The following MAGI2 variants were observed in gnomAD, a reference collection of about 807,000 sequenced individuals.
MAGI2 encodes membrane associated guanylate kinase, WW and PDZ domain containing 2, also known as membrane-associated guanylate kinase, WW and PDZ domain-containing protein 2.
MAGI2 carries 35 observed loss-of-function variants against 133.3 expected under a neutral mutation model. The observed-to-expected ratio is 0.26, with a 90% CI of 0.20 to 0.35. The LOEUF (loss-of-function observed/expected upper bound fraction) is 0.35, where lower values mean the gene tolerates loss of function less well. Among genes scored for constraint, MAGI2 ranks in the 10% least tolerant of loss-of-function variants. The pLI is 1.00. For missense variants in MAGI2, 1,636 were observed against 1,863.4 expected (o/e 0.88, Z 2.25); for synonymous variants, 729 against 710.6 (o/e 1.03, Z -0.41).
At chr7:79,104,580 T>G (rs1328145416) in intron 1 of MAGI2, among the ~76,000 whole-genome samples, 1 of 151,930 alleles carries the variant, frequency 6.6e-6, no homozygotes, top group East Asian at 1.9e-4. Flanking sequence ...GGCAGGAGAA[T>G]CGCTTGAACC....
At chr7:79,045,627 CT>C (rs1812105781) in intron 1 of MAGI2, among the ~76,000 whole-genome samples, 1 of 152,088 alleles carries the variant, frequency 6.6e-6, no homozygotes, top group Non-Finnish European at 1.5e-5. Flanking sequence ...CCCATCTCTA[CT>C]AAAAATACAA....
At chr7:78,819,265 T>G (rs1426241912) in intron 2 of MAGI2, among the ~76,000 whole-genome samples, 1 of 152,138 alleles carries the variant, frequency 6.6e-6, no homozygotes, top group African/African-American at 2.4e-5. Flanking sequence ...TCTTACAGGT[T>G]GAAGGATCAG....
intron 3 of MAGI2, among the ~76,000 whole-genome samples, chr7:78,562,910 T>C (rs1411145520): frequency 6.6e-6 from 1 of 152,080 alleles, no homozygotes; most frequent in Non-Finnish European, 1.5e-5. Context: ...AGTTCTAAAG[T>C]GAAGCTTGAA....
At chr7:79,006,085 CTG>C (rs1479167277) in intron 2 of MAGI2, among the ~76,000 whole-genome samples, 1 of 152,138 alleles carries the variant, frequency 6.6e-6, no homozygotes, top group African/African-American at 2.4e-5. Flanking sequence ...CTTGACATCT[CTG>C]TGTGTTTTCA....
intron 2 of MAGI2, among the ~76,000 whole-genome samples, chr7:78,631,269 C>T (rs1356549211): frequency 1.3e-5 from 2 of 152,056 alleles, no homozygotes; most frequent in Non-Finnish European, 2.9e-5. Flanking sequence ...ACCTTTGAGT[C>T]CTCCCTCACT....
chr7:79,327,397 A>T (rs1839775096), intron 1 of MAGI2, among the ~76,000 whole-genome samples: 1 of 152,158 alleles, frequency 6.6e-6, no homozygotes, highest in African/African-American at 2.4e-5. Flanking sequence ...CCCTGAGACG[A>T]GATAGCGAGA....
At chr7:78,847,412 T>C (rs1175073290) in intron 2 of MAGI2, among the ~76,000 whole-genome samples, 1 of 151,958 alleles carries the variant, frequency 6.6e-6, no homozygotes, top group Non-Finnish European at 1.5e-5. Flanking sequence ...GACTATTAGA[T>C]AATAAAGGGT....
intron 1 of MAGI2, among the ~76,000 whole-genome samples, chr7:79,433,537 A>C (rs1025394643): frequency 6.6e-6 from 1 of 151,560 alleles, no homozygotes; most frequent in East Asian, 1.9e-4. Context: ...TGGGCGACAG[A>C]GCAAGACTCT....
At chr7:79,055,004 G>A (rs1584802670) in intron 1 of MAGI2, among the ~76,000 whole-genome samples, 1 of 152,256 alleles carries the variant, frequency 6.6e-6, no homozygotes, top group African/African-American at 2.4e-5. Context: ...TATTGGCCAG[G>A]CTGATCTCGA....
chr7:78,770,497 G>A (rs568310475), intron 2 of MAGI2, among the ~76,000 whole-genome samples: 8 of 152,306 alleles, frequency 5.3e-5, no homozygotes, highest in African/African-American at 1.9e-4. Flanking sequence ...GATATCTGCT[G>A]TTTACATTTC....
chr7:78,249,025 T>TA (rs910556116), intron 10 of MAGI2, among the ~76,000 whole-genome samples: 85 of 149,566 alleles, frequency 5.7e-4, no homozygotes, highest in Middle Eastern at 3.4e-3. Context: ...GCTTAACAGC[T>TA]AAAAAAAAAT....
intron 1 of MAGI2, among the ~76,000 whole-genome samples, chr7:79,280,466 C>T (rs112294705): frequency 0.028 from 4,327 of 152,074 alleles, 84 homozygotes; most frequent in African/African-American, 0.039. Flanking sequence ...GAAAATATAA[C>T]AGATGACAGG....
At chr7:78,560,683 C>T (rs1029052027) in intron 3 of MAGI2, among the ~76,000 whole-genome samples, 8 of 152,086 alleles carry the variant, frequency 5.3e-5, no homozygotes, top group African/African-American at 9.7e-5. Flanking sequence ...TGGGCTTCAG[C>T]GGTAGGCAGA....
intron 6 of MAGI2, among the ~76,000 whole-genome samples, chr7:78,412,325 A>G (rs1797942247): frequency 1.3e-5 from 2 of 152,062 alleles, no homozygotes; most frequent in South Asian, 4.1e-4. Context: ...GGGAAGCAGT[A>G]GACAGACAGG....
intron 2 of MAGI2, among the ~76,000 whole-genome samples, chr7:78,748,159 A>T (rs75773334): frequency 0.037 from 15 of 402 alleles, no homozygotes; most frequent in African/African-American, 0.059. Context: ...TTGAGGATTT[A>T]AAAAAAAAAA....
At position 78,784,955 on chromosome 7, in the gene MAGI2, C is replaced by G. The variant is rs112189143; in HGVS notation, c.419-157716G>C. Among the ~76,000 whole-genome samples, 1,124 of 152,178 alleles carry G rather than the reference C, an allele frequency of 7.4e-3. 16 individuals carry two copies. The highest frequency in any genetic ancestry group is 0.026 in the African/African-American group (1,077 of 41,514). On this transcript the variant is annotated intron_variant, in intron 2 of 21. Transcript: ENST00000354212. ...ATAGCTTAGAACTATTTTTTTGCAT[C>G]ATTCTAAAGGTTCTTGTTAGGCGTG...
intron 6 of MAGI2, among the ~76,000 whole-genome samples, chr7:78,382,096 G>T (rs1167988106): frequency 6.6e-6 from 1 of 152,090 alleles, no homozygotes; most frequent in Non-Finnish European, 1.5e-5. Flanking sequence ...AGACAGTACA[G>T]AACTATACAG....
chr7:78,939,811 G>A (rs1195665753), intron 2 of MAGI2: 1 of 152,094 alleles, frequency 6.6e-6, no homozygotes, highest in Non-Finnish European at 1.5e-5. Context: ...ATTCACTGTT[G>A]CGACAACGTA....
intron 1 of MAGI2, among the ~76,000 whole-genome samples, chr7:79,022,457 T>C (rs984772356): frequency 6.6e-6 from 1 of 151,790 alleles, no homozygotes; most frequent in Non-Finnish European, 1.5e-5. Flanking sequence ...CAACATCATA[T>C]CTAGAGGAAC....
Sources: gnomAD v4.1 joint callset for allele counts (sites outside exome capture counted in the v4.1 genomes callset) on GRCh38, gnomAD v4.1.1 for gene constraint, MANE v1.5 for transcripts, NCBI Gene and HGNC (gene_info 2026-07-23, HGNC 2026-07-21) for gene names.